MYCT1: variants seen among roughly 807,000 people sequenced by gnomAD.
MYCT1 encodes the protein MYC target 1, also known as myc target protein 1.
A neutral mutation model predicts 15.0 loss-of-function variants in MYCT1; 12 were observed. The observed-to-expected ratio is 0.80, with a 90% CI of 0.51 to 1.29. The LOEUF (loss-of-function observed/expected upper bound fraction) is 1.29. MYCT1 is among the 50% of genes most tolerant of loss of function. The probability of loss-of-function intolerance (pLI) is 0.00; values close to 1 mark genes in which losing one functional copy is unlikely to be tolerated. For synonymous variants in MYCT1, 104 were observed against 102.7 expected, an observed-to-expected ratio of 1.01 and a Z score of -0.07; for missense variants, 287 against 279.1, an observed-to-expected ratio of 1.03 and a Z score of -0.20.
intron 1 of MYCT1, among the ~76,000 whole-genome samples, chr6:152,699,163 C>G (rs1387600182): frequency 6.6e-6 from 1 of 152,046 alleles, no homozygotes; most frequent in African/African-American, 2.4e-5. Flanking sequence ...CAGTAGTGGC[C>G]GACTTTTCCC....
At chr6:152,729,491 C>T (rs1283565898), downstream of MYCT1, among the ~76,000 whole-genome samples, 1 of 152,138 alleles carries the variant, frequency 6.6e-6, no homozygotes, top group Non-Finnish European at 1.5e-5. Flanking sequence ...ATTGCTCTTA[C>T]ATATGAATGT....
the MYCT1 span, among the ~76,000 whole-genome samples, chr6:152,736,065 G>A: frequency 6.6e-6 from 1 of 152,024 alleles, no homozygotes; most frequent in African/African-American, 2.4e-5. Context: ...TAAGGTTAGT[G>A]CTAAAAACCA....
the MYCT1 span, among the ~76,000 whole-genome samples, chr6:152,730,665 G>A: frequency 6.2e-4 from 94 of 152,218 alleles, no homozygotes; most frequent in Middle Eastern, 3.4e-3. Context: ...CTGAAGCCTA[G>A]CTATTGAATA....
the MYCT1 span, among the ~76,000 whole-genome samples, chr6:152,744,554 A>G: frequency 6.6e-6 from 1 of 152,202 alleles, no homozygotes; most frequent in African/African-American, 2.4e-5. Context: ...GAGCCTCAGC[A>G]GGGAGCCGTT....
At chr6:152,702,762 T>C (rs543195824) in intron 1 of MYCT1, among the ~76,000 whole-genome samples, 52 of 152,234 alleles carry the variant, frequency 3.4e-4, no homozygotes, top group Non-Finnish European at 6.3e-4. Flanking sequence ...ATTTGTATTT[T>C]AAAAAGAAAT....
chr6:152,698,259 T>C (rs1383874810), intron 1 of MYCT1, among the ~76,000 whole-genome samples, 161 bp downstream of exon 1: 1 of 151,626 alleles, frequency 6.6e-6, no homozygotes, highest in Non-Finnish European at 1.5e-5. Flanking sequence ...CATACGTTTA[T>C]TAGCAGAAAT....
chr6:152,729,022 C>T (rs2099726119), downstream of MYCT1, among the ~76,000 whole-genome samples: 1 of 152,110 alleles, frequency 6.6e-6, no homozygotes, highest in Non-Finnish European at 1.5e-5. Context: ...TGCTTTCCAG[C>T]TTAGGGACAC....
At chr6:152,742,990 C>A in the MYCT1 span, among the ~76,000 whole-genome samples, 1 of 152,066 alleles carries the variant, frequency 6.6e-6, no homozygotes, top group Non-Finnish European at 1.5e-5. Flanking sequence ...TTAGGCTCAG[C>A]ACTGTTTTGA....
chr6:152,735,134 G>T, the MYCT1 span, among the ~76,000 whole-genome samples: 3 of 152,098 alleles, frequency 2.0e-5, no homozygotes, highest in African/African-American at 7.2e-5. Flanking sequence ...TACAAAGAAG[G>T]GTGTAAATTA....
At chr6:152,703,730 A>G (rs1255189834) in intron 1 of MYCT1, among the ~76,000 whole-genome samples, 1 of 152,082 alleles carries the variant, frequency 6.6e-6, no homozygotes, top group Non-Finnish European at 1.5e-5. Flanking sequence ...CCAAAGCCCA[A>G]TCAAGATACA....
At chr6:152,720,169 T>A (rs967522948) in intron 1 of MYCT1, among the ~76,000 whole-genome samples, 1 of 151,690 alleles carries the variant, frequency 6.6e-6, no homozygotes, top group Non-Finnish European at 1.5e-5. Flanking sequence ...GCTAGGGCAG[T>A]AGGGGTTCCT....
chr6:152,720,238 T>A (rs376480285), intron 1 of MYCT1, among the ~76,000 whole-genome samples: 7 of 151,992 alleles, frequency 4.6e-5, no homozygotes, highest in African/African-American at 1.7e-4. Flanking sequence ...ATGCTGACAA[T>A]GGCAGGGGTC....
At chr6:152,704,221 C>T (rs1565390259) in intron 1 of MYCT1, among the ~76,000 whole-genome samples, 1 of 152,028 alleles carries the variant, frequency 6.6e-6, no homozygotes, top group East Asian at 1.9e-4. Context: ...AGACTAGTCT[C>T]AAACTCCTGG....
intron 1 of MYCT1, among the ~76,000 whole-genome samples, chr6:152,716,325 T>TTCAGAA (rs1215173956): frequency 6.6e-6 from 1 of 152,212 alleles, no homozygotes; most frequent in Admixed American, 6.5e-5. Flanking sequence ...AGTAGTTCTA[T>TTCAGAA]TGCCTGAACC....
intron 1 of MYCT1, among the ~76,000 whole-genome samples, chr6:152,707,556 C>T (rs1307221819): frequency 6.6e-6 from 1 of 151,842 alleles, no homozygotes; most frequent in African/African-American, 2.4e-5. Flanking sequence ...CTGTCATATG[C>T]AAAAATATAA....
At chr6:152,702,753 T>C (rs1322575995) in intron 1 of MYCT1, among the ~76,000 whole-genome samples, 2 of 152,256 alleles carry the variant, frequency 1.3e-5, no homozygotes, top group Non-Finnish European at 2.9e-5. Context: ...GTTTTTTCAA[T>C]TTGTATTTTA....
intron 1 of MYCT1, among the ~76,000 whole-genome samples, chr6:152,703,594 T>TGC (rs2099721708): frequency 3.2e-5 from 2 of 61,690 alleles, no homozygotes; most frequent in African/African-American, 8.0e-5. Context: ...GGAATTCAAT[T>TGC]GTTTTGCAAC....
chr6:152,706,847 A>ATGTGTGTGTGTGTGTG lies in MYCT1; in HGVS notation c.196+8761_196+8776dup, dbSNP rs4034690. ...AACATTTCCATTATAGAAACCATAT[A>ATGTGTGTGTGTGTGTG]TGTGTGTGTGTGTGTGTGTGTGTGT... On this transcript the variant is annotated intron_variant, in intron 1 of 1. Transcript: ENST00000367245. Among the ~76,000 whole-genome samples, 738 of 148,292 alleles carry ATGTGTGTGTGTGTGTG rather than the reference A, an allele frequency of 5.0e-3. 8 individuals are homozygous for ATGTGTGTGTGTGTGTG. Among genetic ancestry groups the ATGTGTGTGTGTGTGTG allele is most frequent in the African/African-American group, 0.016 (652 of 40,294 alleles).
At chr6:152,715,224 T>C (rs147395624) in intron 1 of MYCT1, among the ~76,000 whole-genome samples, 336 of 152,316 alleles carry the variant, frequency 2.2e-3, no homozygotes, top group Non-Finnish European at 3.4e-3. Flanking sequence ...TAAGAAAATA[T>C]TTTATTCTCC....
Sources: gnomAD v4.1 joint callset for allele counts (sites outside exome capture counted in the v4.1 genomes callset) on GRCh38, gnomAD v4.1.1 for gene constraint, MANE v1.5 for transcripts, NCBI Gene and HGNC (gene_info 2026-07-23, HGNC 2026-07-21) for gene names.